CPVL: variants seen among roughly 807,000 people sequenced by gnomAD.
The protein encoded by CPVL is carboxypeptidase vitellogenic like.
A neutral mutation model predicts 63.7 loss-of-function variants in CPVL; 51 were observed. The ratio of observed to expected loss-of-function variants is 0.80; its 90% CI spans 0.64 to 1.01. The LOEUF is 1.01. Ranked by LOEUF, CPVL falls within the 50% of genes least tolerant of loss-of-function variation. CPVL has a pLI of 0.00. For missense variants in CPVL, 530 were observed against 573.1 expected (o/e 0.92, Z 0.77); for synonymous variants, 195 against 206.0 (o/e 0.95, Z 0.46).
At chr7:29,081,173 G>A (rs546012799) in intron 7 of CPVL, among the ~76,000 whole-genome samples, 4 of 152,328 alleles carry the variant, frequency 2.6e-5, no homozygotes, top group East Asian at 1.9e-4. Flanking sequence ...AAATGTGTCC[G>A]TGCCTCAAGA....
intron 5 of CPVL, among the ~76,000 whole-genome samples, chr7:29,093,377 C>CAAAA (rs371165878): frequency 1.0e-3 from 70 of 69,162 alleles, no homozygotes; most frequent in African/African-American, 1.4e-3. Flanking sequence ...ACTCCGTCTC[C>CAAAA]AAAAAAAAAA....
At chr7:29,040,290 A>T (rs1030815936) in intron 11 of CPVL, among the ~76,000 whole-genome samples, 1 of 152,244 alleles carries the variant, frequency 6.6e-6, no homozygotes, top group Admixed American at 6.5e-5. Flanking sequence ...TTTCACTATT[A>T]TCCAGCTCAA....
At chr7:29,119,041 C>T (rs1789069350) in intron 2 of CPVL, among the ~76,000 whole-genome samples, 1 of 152,216 alleles carries the variant, frequency 6.6e-6, no homozygotes, top group Non-Finnish European at 1.5e-5. Flanking sequence ...CCCCAGTGCT[C>T]CCTCCAGCCA....
At chr7:29,053,458 T>C (rs532863938) in intron 11 of CPVL, among the ~76,000 whole-genome samples, 2 of 152,066 alleles carry the variant, frequency 1.3e-5, no homozygotes, top group Non-Finnish European at 2.9e-5. Flanking sequence ...CCTGAAAACA[T>C]ACAAAGTGAA....
intron 11 of CPVL, among the ~76,000 whole-genome samples, chr7:29,054,258 T>A (rs1790492447): frequency 6.6e-6 from 1 of 152,244 alleles, no homozygotes; most frequent in Non-Finnish European, 1.5e-5. Flanking sequence ...CAGATTTTCT[T>A]CCTGGAATAA....
chr7:29,030,485 T>TA, intron 12 of CPVL, 92 bp downstream of exon 12: 3 of 1,248,228 alleles, frequency 2.4e-6, no homozygotes, highest in Non-Finnish European at 3.4e-6. Context: ...TGGCTTTGCT[T>TA]AAGGTCGGCC....
At chr7:29,185,510 T>TA (rs1295583651) in intron 3 of CPVL, 2 of 152,194 alleles carry the variant, frequency 1.3e-5, no homozygotes, top group Non-Finnish European at 2.9e-5. Context: ...CATTAGCTCT[T>TA]ACCATTTCCA....
chr7:29,050,712 C>A (rs749144383), intron 11 of CPVL, among the ~76,000 whole-genome samples: 48 of 152,004 alleles, frequency 3.2e-4, no homozygotes, highest in Middle Eastern at 6.8e-3. Context: ...CAAAATACCA[C>A]CATCATTCTT....
chr7:29,166,746 A>G (rs555513546), intron 5 of CPVL, among the ~76,000 whole-genome samples: 19 of 151,954 alleles, frequency 1.3e-4, no homozygotes, highest in East Asian at 7.7e-4. Context: ...TATCATTTCT[A>G]TTTTTTTCTT....
intron 7 of CPVL, among the ~76,000 whole-genome samples, chr7:29,074,046 A>G (rs1366506100): frequency 6.6e-6 from 1 of 152,190 alleles, no homozygotes; most frequent in African/African-American, 2.4e-5. Flanking sequence ...TATCCACACC[A>G]TAATCATATG....
chr7:29,118,034 G>A (rs1050655652), intron 2 of CPVL, among the ~76,000 whole-genome samples: 7 of 152,174 alleles, frequency 4.6e-5, no homozygotes, highest in African/African-American at 1.7e-4. Context: ...AGTATGCACT[G>A]CCTAATTCCT....
intron 1 of CPVL, among the ~76,000 whole-genome samples, chr7:29,140,275 C>A (rs6950140): frequency 0.25 from 38,259 of 151,642 alleles, 5,287 homozygotes; most frequent in African/African-American, 0.37. Context: ...CCCTGTCTCA[C>A]ATCAAACAAA....
chr7:29,074,126 A>G (rs1460032730), intron 7 of CPVL, among the ~76,000 whole-genome samples: 4 of 152,238 alleles, frequency 2.6e-5, no homozygotes, highest in Non-Finnish European at 5.9e-5. Context: ...TTGTAGAGCC[A>G]GAATTACACC....
At chr7:29,194,069 G>C (rs1783243156) in intron 1 of CPVL, 2 of 152,324 alleles carry the variant, frequency 1.3e-5, no homozygotes, top group Admixed American at 1.3e-4. Context: ...TGTCATCCCA[G>C]GTTCCCTTCT....
In CPVL at chr7:29,112,601, T is replaced by G. The variant is rs778685546; in HGVS notation, c.288+103A>C. ...AAATCTTATTTTTAGAAAAAATCTA[T>G]GAGATTTTTTTTTAAAGACCTGTAG... On this transcript the variant is annotated intron_variant, in intron 3 of 12. Transcript: ENST00000265394. 2.5e-5 allele frequency: 18 copies of G among 710,852 alleles called. No homozygotes were observed. The South Asian group carries it at 3.8e-4, about 15-fold the overall frequency. 44.0% of individuals were successfully genotyped at this position (710,852 alleles called of 1,614,324 possible).
intron 9 of CPVL, among the ~76,000 whole-genome samples, chr7:29,067,455 T>C (rs761798796): frequency 9.2e-5 from 14 of 152,040 alleles, no homozygotes; most frequent in Non-Finnish European, 1.5e-4. Context: ...GAACATGATC[T>C]GAAAGTCACA....
chr7:29,181,590 T>G (rs555392820), intron 4 of CPVL, among the ~76,000 whole-genome samples: 1 of 152,334 alleles, frequency 6.6e-6, no homozygotes, highest in South Asian at 2.1e-4. Context: ...AAAGTCACAT[T>G]AGGAATCTAT....
intron 12 of CPVL, among the ~76,000 whole-genome samples, chr7:29,016,142 C>T (rs24651): frequency 6.6e-6 from 1 of 151,816 alleles, no homozygotes; most frequent in Non-Finnish European, 1.5e-5. Context: ...CCTGAGGTCA[C>T]GAGTTCGAGA....
At position 29,003,175 on chromosome 7, in the gene CPVL, CACACACACACACAGAG is replaced by C. The variant is rs1485384666; in HGVS notation, c.1321-7309_1321-7294del. Among the ~76,000 whole-genome samples the C allele has an allele frequency of 3.4e-4, 30 of 87,112 alleles. 1 individual carries two copies. The highest frequency in any genetic ancestry group is 9.4e-4 in the Admixed American group (8 of 8,510). The allele number at this position is 87,112 out of a possible 152,430, so 57.1% of individuals were successfully genotyped here. ...ATGTGCACACACACACACACACACACACACACACACACAGAGAGAATAGCATTTTGCTAAAAGCAAA... is the reference window on the plus strand; with the variant it reads ...ATGTGCACACACACACACACACACACAGAATAGCATTTTGCTAAAAGCAAA... On this transcript the variant is annotated intron_variant, in intron 12 of 12. Transcript: ENST00000265394.
Sources: gnomAD v4.1 joint callset for allele counts (sites outside exome capture counted in the v4.1 genomes callset) on GRCh38, gnomAD v4.1.1 for gene constraint, MANE v1.5 for transcripts, NCBI Gene and HGNC (gene_info 2026-07-23, HGNC 2026-07-21) for gene names.